Variants in CAGE1 observed in about 807,000 individuals in gnomAD.
CAGE1 encodes cancer antigen 1.
CAGE1 carries 66 observed loss-of-function variants against 94.9 expected under a neutral mutation model. The observed-to-expected ratio is 0.70, with a 90% CI of 0.57 to 0.85. The LOEUF (loss-of-function observed/expected upper bound fraction) is 0.85. Ranked by LOEUF, CAGE1 falls within the 40% of genes least tolerant of loss-of-function variation. CAGE1 has a pLI of 0.00. For synonymous variants in CAGE1, 319 were observed against 321.0 expected (o/e 0.99, Z 0.07); for missense variants, 865 against 950.4 (o/e 0.91, Z 1.18).
intron 6 of CAGE1, among the ~76,000 whole-genome samples, chr6:7,369,661 T>A (rs946302850): frequency 1.6e-4 from 25 of 152,302 alleles, no homozygotes; most frequent in African/African-American, 6.0e-4. Flanking sequence ...ACGTGGGAAG[T>A]ACTTAATAAA....
chr6:7,345,642 T>TA (rs1243846147), intron 11 of CAGE1, among the ~76,000 whole-genome samples: 2 of 152,134 alleles, frequency 1.3e-5, no homozygotes, highest in Admixed American at 1.3e-4. Flanking sequence ...ACGGAAAAAT[T>TA]ACAGGCCCGG....
At chr6:7,370,610 A>T (rs986435166) in intron 5 of CAGE1, among the ~76,000 whole-genome samples, 1 of 147,780 alleles carries the variant, frequency 6.8e-6, no homozygotes, top group Non-Finnish European at 1.5e-5. Context: ...ACAATTTTTT[A>T]AAAAAACAAT....
intron 3 of CAGE1, among the ~76,000 whole-genome samples, chr6:7,384,408 T>C (rs1761043494): frequency 6.6e-6 from 1 of 152,204 alleles, no homozygotes; most frequent in African/African-American, 2.4e-5. Context: ...TTCATTTTAG[T>C]ATTATTTGCA....
chr6:7,384,168 C>T (rs1017954999), intron 3 of CAGE1, among the ~76,000 whole-genome samples: 2 of 152,102 alleles, frequency 1.3e-5, no homozygotes, highest in African/African-American at 4.8e-5. Context: ...AGCTCCACCC[C>T]CTGGGTTCAT....
chr6:7,333,601 GTTTTT>G (rs5874091), intron 12 of CAGE1, among the ~76,000 whole-genome samples: 2 of 142,062 alleles, frequency 1.4e-5, no homozygotes, highest in East Asian at 2.1e-4. Flanking sequence ...AAGGAAAAGA[GTTTTT>G]TTTTTTAAGT....
intron 11 of CAGE1, among the ~76,000 whole-genome samples, chr6:7,350,523 T>TATTTAAGAAA (rs1759733023): frequency 6.6e-6 from 1 of 152,158 alleles, no homozygotes; most frequent in Admixed American, 6.6e-5. Flanking sequence ...AAAACGAGCC[T>TATTTAAGAAA]CAATAAATTT....
chr6:7,364,491 CAG>C (rs771872799), intron 9 of CAGE1, among the ~76,000 whole-genome samples: 22 of 152,228 alleles, frequency 1.4e-4, no homozygotes, highest in African/African-American at 4.8e-4. Context: ...GTTTTTGAGA[CAG>C]AGTCTTACTC....
chr6:7,345,693 T>C (rs2003916), intron 11 of CAGE1, among the ~76,000 whole-genome samples: 81,246 of 151,858 alleles, frequency 0.54, 23,970 homozygotes, highest in African/African-American at 0.8. Context: ...TTTGGGAGGC[T>C]GAGGCGGGCA....
At chr6:7,331,261 T>C in intron 12 of CAGE1, 1 of 661,930 alleles carries the variant, frequency 1.5e-6, no homozygotes, top group Non-Finnish European at 2.4e-6. Flanking sequence ...TTAATATGAC[T>C]GCCAACATGT....
At chr6:7,386,923 G>T in intron 2 of CAGE1, 56 bp downstream of exon 2, 1 of 1,156,928 alleles carries the variant, frequency 8.6e-7, no homozygotes, top group Non-Finnish European at 1.2e-6. Flanking sequence ...TCATATGGAA[G>T]ACAATGTGAA....
intron 11 of CAGE1, among the ~76,000 whole-genome samples, chr6:7,343,672 G>A (rs1434587797): frequency 3.9e-5 from 6 of 152,140 alleles, no homozygotes; most frequent in African/African-American, 1.4e-4. Flanking sequence ...TAGTAAATAA[G>A]TTAATGCAGA....
At position 7,373,066 on chromosome 6, in the gene CAGE1, T is replaced by C; in HGVS notation, c.1746+7A>G. The C allele has an allele frequency of 6.3e-7, 1 of 1,580,972 alleles. No individual in the cohort carries two copies. Among genetic ancestry groups the C allele is most frequent in the South Asian group, 1.2e-5 (1 of 86,644 alleles). ...CCGCATTAGAGATTTAGAATGTGTA[T>C]CAATACCTTGGTAATATCTGACTTC... On this transcript the variant is annotated splice_region_variant and intron_variant, in intron 5 of 13. Coordinates refer to ENST00000502583, the MANE Select transcript of CAGE1 (RefSeq NM_001170692.2).
chr6:7,347,779 A>AG (rs1240805429), intron 11 of CAGE1, among the ~76,000 whole-genome samples: 2 of 152,074 alleles, frequency 1.3e-5, no homozygotes, highest in East Asian at 3.9e-4. Context: ...GAGTTGGGTG[A>AG]GGCCTGTGAC....
rs150118627 is a variant in CAGE1 at position 7,375,129 on chromosome 6, G to A, written c.688-998C>T. Reference sequence around the variant, plus strand: ...AATGAATATGACATTAAAAACCCAGGGCCGGGTGCAGTGGCTCATGCTTGT... The same window carrying A: ...AATGAATATGACATTAAAAACCCAGAGCCGGGTGCAGTGGCTCATGCTTGT... On this transcript the variant is annotated intron_variant, in intron 4 of 13. Transcript: ENST00000502583. Among the ~76,000 whole-genome samples, 418 of 152,136 alleles carry A rather than the reference G, an allele frequency of 2.7e-3. 4 individuals are homozygous for A. The highest frequency in any genetic ancestry group is 9.3e-3 in the African/African-American group (386 of 41,506).
Position 7,330,725 on chromosome 6 carries a change from C to T in CAGE1, c.2439-837G>A, listed in dbSNP as rs897116727. Among the ~76,000 whole-genome samples the T allele has an allele frequency of 1.2e-4, 19 of 152,272 alleles. No individual in the cohort carries two copies. In the East Asian group the frequency reaches 3.1e-3, roughly 25 times the overall value. On this transcript the variant is annotated intron_variant, in intron 12 of 13. Transcript: ENST00000502583. Reference sequence around the variant, plus strand: ...CTTCACAGAGGGTGGTGGCTGAAAGCTGATGTAGGTCTGGAGTTTTCTAAC... The same window carrying T: ...CTTCACAGAGGGTGGTGGCTGAAAGTTGATGTAGGTCTGGAGTTTTCTAAC...
chr6:7,329,697 A>G (rs560139003), intron 13 of CAGE1, among the ~76,000 whole-genome samples, 152 bp downstream of exon 13: 2 of 152,294 alleles, frequency 1.3e-5, no homozygotes, highest in African/African-American at 4.8e-5. Context: ...CAGCTATGAC[A>G]GGAGACGGAA....
Position 7,376,314 on chromosome 6 carries a change from G to A in CAGE1, c.688-2183C>T, listed in dbSNP as rs568665844. ...TGAAGCAGGAGAATTGCTTGAACCC[G>A]GGAGGCGGAGGTTGCAGTGAGCCAA... is the stretch of plus-strand genomic sequence containing the variant. On this transcript the variant is annotated intron_variant, in intron 4 of 13. Transcript: ENST00000502583. Among the ~76,000 whole-genome samples the A allele has an allele frequency of 5.9e-5, 9 of 152,040 alleles. 1 individual carries two copies. In the South Asian group the frequency reaches 6.2e-4, roughly 11 times the overall value.
chr6:7,366,882 C>T lies in CAGE1; in HGVS notation c.2005-998G>A, dbSNP rs191345860. On this transcript the variant is annotated intron_variant, in intron 7 of 13. Transcript: ENST00000502583. ...CATAACGATTGTTATTACAGTCAGG[C>T]TATTAAAATTTTTCCTTAAAGAAAA... Among the ~76,000 whole-genome samples the T allele has an allele frequency of 4.3e-3, 651 of 152,068 alleles. 4 individuals carry two copies. Among genetic ancestry groups the T allele is most frequent in the Non-Finnish European group, 7.3e-3 (497 of 67,984 alleles).
chr6:7,331,248 T>C (rs1464557163), intron 12 of CAGE1: 4 of 565,868 alleles, frequency 7.1e-6, no homozygotes, highest in Non-Finnish European at 8.7e-6. Context: ...ATTACATCTG[T>C]AATTAATATG....
Sources: gnomAD v4.1 joint callset for allele counts (sites outside exome capture counted in the v4.1 genomes callset) on GRCh38, gnomAD v4.1.1 for gene constraint, MANE v1.5 for transcripts, NCBI Gene and HGNC (gene_info 2026-07-23, HGNC 2026-07-21) for gene names.